The following MORN1 variants were observed in gnomAD, a reference collection of about 807,000 sequenced individuals.
MORN1 encodes the protein MORN repeat-containing protein 1.
In MORN1, 67 loss-of-function variants were observed where a neutral mutation model predicts 61.9. The observed-to-expected ratio is 1.08, with a 90% CI of 0.89 to 1.33. MORN1 has a LOEUF of 1.33. Among genes scored for constraint, MORN1 ranks in the 40% most tolerant of loss-of-function variants. MORN1 has a pLI of 0.00. For synonymous variants in MORN1, 301 were observed against 292.0 expected, an observed-to-expected ratio of 1.03 and a Z score of -0.31; for missense variants, 752 against 691.2, an observed-to-expected ratio of 1.09 and a Z score of -0.99.
Position 2,372,670 on chromosome 1 carries a change from AC to A in MORN1, c.635-80del. ...CCCCATGGCTGAGTCAGCAGTGGGCACCCCAGGAACCGACCAGAGCCCAGTG... is the reference window on the plus strand; with the variant it reads ...CCCCATGGCTGAGTCAGCAGTGGGCACCCAGGAACCGACCAGAGCCCAGTG... On this transcript the variant is annotated intron_variant, in intron 7 of 13. Transcript: ENST00000378531. The surrounding 1 kb of genome is among the most constrained non-coding windows in gnomAD (Gnocchi z 5.4). The A allele has an allele frequency of 1.9e-6, 2 of 1,079,058 alleles. No individual in the cohort carries two copies. Among genetic ancestry groups the A allele is most frequent in the Non-Finnish European group, 2.7e-6 (2 of 736,006 alleles). The allele number at this position is 1,079,058 out of a possible 1,614,324, so 66.8% of individuals were successfully genotyped here. A position where few individuals can be genotyped will look rare whatever the true frequency, so the allele number is the denominator to read the frequency against.
chr1:2,370,605 TATCCGCA>T (rs769217633), intron 8 of MORN1, among the ~76,000 whole-genome samples: 8 of 152,110 alleles, frequency 5.3e-5, no homozygotes, highest in Non-Finnish European at 7.4e-5. Flanking sequence ...AAAGGACTTA[TATCCGCA>T]ATAGGTAAAG....
In MORN1 at chr1:2,357,866, G is replaced by A. The variant is rs1429541147; in HGVS notation, c.870-268C>T. 1.3e-5 allele frequency among the ~76,000 whole-genome samples: 2 copies of A among 152,116 alleles called. No individual in the cohort carries two copies. The highest frequency in any genetic ancestry group is 1.9e-4 in the East Asian group (1 of 5,176). On this transcript the variant is annotated intron_variant, in intron 9 of 13. Coordinates refer to ENST00000378531, the MANE Select transcript of MORN1 (RefSeq NM_024848.3). The surrounding 1 kb of genome is among the most constrained non-coding windows in gnomAD (Gnocchi z 6.3). ...TATTATTTATGACAACTCCAGCAGC[G>A]TCACCTCTCGGGTGCGTTCTGACTT...
chr1:2,352,405 G>A (rs74047119), intron 10 of MORN1: 8,521 of 153,704 alleles, frequency 0.055, 598 homozygotes, highest in African/African-American at 0.16. Context: ...TTATGGGAGC[G>A]AGAAGTCACC....
At chr1:2,322,717 C>G (rs917391623) in intron 13 of MORN1, 35 of 985,362 alleles carry the variant, frequency 3.6e-5, no homozygotes, top group Non-Finnish European at 4.1e-5. Flanking sequence ...AGCCCGGTTT[C>G]TAGGTGTTCC....
At chr1:2,358,477 T>C (rs1370515896) in intron 9 of MORN1, 115 bp downstream of exon 9, 17 of 1,337,260 alleles carry the variant, frequency 1.3e-5, no homozygotes, top group Non-Finnish European at 1.6e-5. Flanking sequence ...ATATTTCATT[T>C]GTCATAACCA....
rs1047481709 is a variant in MORN1 at position 2,337,702 on chromosome 1, C to G, written c.1037-852G>C. On this transcript the variant is annotated intron_variant, in intron 10 of 13. Coordinates refer to ENST00000378531, the MANE Select transcript of MORN1 (RefSeq NM_024848.3). This position sits in a 1 kb window ranked among gnomAD's most constrained non-coding sequence, Gnocchi z 5.7. ...GCAGCTCGGAGCTGTCCTGACACCG[C>G]TGCCCCGAGGGCCCCCCACTTGCAC... 3.9e-5 allele frequency among the ~76,000 whole-genome samples: 6 copies of G among 152,220 alleles called. No individual in the cohort carries two copies. Among genetic ancestry groups the G allele is most frequent in the Non-Finnish European group, 7.3e-5 (5 of 68,040 alleles).
rs1171675202 is a variant in MORN1, at chr1:2,336,868, A to C, written c.1037-18T>G. On this transcript the variant is annotated intron_variant, in intron 10 of 13. Coordinates refer to ENST00000378531, the MANE Select transcript of MORN1 (RefSeq NM_024848.3). ...TCCCCTGGCTGAGGAGACAGAATGA[A>C]GAAAGACCCTATGAGGGGCTCAGGG... 2 of 1,545,588 alleles carry C rather than the reference A, an allele frequency of 1.3e-6. No individual in the cohort carries two copies. Among genetic ancestry groups the C allele is most frequent in the African/African-American group, 1.4e-5 (1 of 72,646 alleles).
intron 8 of MORN1, among the ~76,000 whole-genome samples, chr1:2,367,422 C>A (rs557746124): frequency 2.0e-5 from 3 of 150,508 alleles, no homozygotes; most frequent in African/African-American, 7.3e-5. Flanking sequence ...GAGTTTGAGA[C>A]CAGCCTGGGC....
Position 2,372,470 on chromosome 1 carries a change from G to T in MORN1, c.745+11C>A, listed in dbSNP as rs769764264. The T allele has an allele frequency of 1.9e-6, 3 of 1,604,742 alleles. No homozygotes were observed. The South Asian group carries it at 3.3e-5, about 18-fold the overall frequency. On this transcript the variant is annotated intron_variant, in intron 8 of 13. Transcript: ENST00000378531. The surrounding 1 kb of genome is among the most constrained non-coding windows in gnomAD (Gnocchi z 5.4). ...GGAAACGTTAGGTCATCTCCCCCTG[G>T]AGATGCTTACTCTTGGCAATTTCCC...
chr1:2,328,908 G>A (rs570211766), intron 12 of MORN1, among the ~76,000 whole-genome samples: 71 of 152,324 alleles, frequency 4.7e-4, no homozygotes, highest in African/African-American at 1.4e-3. Context: ...AAGGGAACCC[G>A]CCCAGGGAGG....
chr1:2,343,531 G>A (rs1241832031), intron 10 of MORN1, among the ~76,000 whole-genome samples: 3 of 152,188 alleles, frequency 2.0e-5, no homozygotes, highest in Non-Finnish European at 4.4e-5. Context: ...ACTGAGACTC[G>A]GGCCTGGGGG....
intron 4 of MORN1, chr1:2,387,193 GAC>G (rs1570053421): frequency 8.6e-6 from 5 of 581,116 alleles, no homozygotes; most frequent in Non-Finnish European, 1.5e-5. Flanking sequence ...GGTAGCGGAT[GAC>G]AGAGCTGCAT....
At position 2,359,864 on chromosome 1, in the gene MORN1, C is replaced by CAG. The variant is rs369102221; in HGVS notation, c.746-1151_746-1150dup. Among the ~76,000 whole-genome samples the CAG allele has an allele frequency of 4.9e-5, 7 of 142,486 alleles. 1 individual carries two copies. The highest frequency in any genetic ancestry group is 1.6e-4 in the African/African-American group (6 of 37,620). 93.5% of individuals were successfully genotyped at this position (142,486 alleles called of 152,430 possible). ...TGCCACTGCACTCCAGCCAGGGCGA[C>CAG]AGAGAGAGACTCCGTCTCAAAAAAA... On this transcript the variant is annotated intron_variant, in intron 8 of 13. Transcript: ENST00000378531.
rs1280303861 is a variant in MORN1 at position 2,337,559 on chromosome 1, C to T, written c.1037-709G>A. Among the ~76,000 whole-genome samples the T allele has an allele frequency of 6.6e-6, 1 of 152,194 alleles. No homozygotes were observed. Among genetic ancestry groups the T allele is most frequent in the African/African-American group, 2.4e-5 (1 of 41,452 alleles). ...CTTCCCCCACGCACAGATGGAGCTG[C>T]AGCCCCCAGGGCCCACCCTGCTGTC... On this transcript the variant is annotated intron_variant, in intron 10 of 13. Coordinates refer to ENST00000378531, the MANE Select transcript of MORN1 (RefSeq NM_024848.3). This position sits in a 1 kb window ranked among gnomAD's most constrained non-coding sequence, Gnocchi z 5.7.
intron 2 of MORN1, 158 bp from the exon 3 acceptor site, chr1:2,388,495 A>T (rs1476041741): frequency 1.4e-5 from 8 of 580,900 alleles, no homozygotes; most frequent in Non-Finnish European, 2.1e-5. Context: ...AAAATAAAAA[A>T]ATGTTCTCAA....
chr1:2,380,084 C>A (rs968655118), intron 6 of MORN1, among the ~76,000 whole-genome samples: 31 of 152,302 alleles, frequency 2.0e-4, no homozygotes, highest in Admixed American at 1.4e-3. Flanking sequence ...GGAGCTGGCA[C>A]AGGCTCCAGC....
chr1:2,390,082 C>G lies in MORN1; in HGVS notation c.77-86G>C, dbSNP rs1642609173. 3.1e-6 allele frequency: 4 copies of G among 1,273,662 alleles called. No homozygotes were observed. The Admixed American group carries it at 6.8e-5, about 22-fold the overall frequency. The allele number at this position is 1,273,662 out of a possible 1,614,324, so 78.9% of individuals were successfully genotyped here. A position where few individuals can be genotyped will look rare whatever the true frequency, so the allele number is the denominator to read the frequency against. ...GTGCTGAAGGAGGGAGTGCAGCTCC[C>G]TTGAGGGCCTTCAAGGGGTTGGTAC... On this transcript the variant is annotated intron_variant, in intron 1 of 13. Coordinates refer to ENST00000378531, the MANE Select transcript of MORN1 (RefSeq NM_024848.3).
intron 6 of MORN1, chr1:2,378,995 T>C (rs779393739): frequency 2.1e-6 from 1 of 470,792 alleles, no homozygotes; most frequent in South Asian, 1.5e-5. Flanking sequence ...AACACGTTTA[T>C]TTTCAGGAAT....
intron 13 of MORN1, 165 bp downstream of exon 13, chr1:2,323,932 A>G: frequency 1.0e-6 from 1 of 982,784 alleles, no homozygotes; most frequent in Non-Finnish European, 1.2e-6. Flanking sequence ...CTTCCCATTC[A>G]GGTCCCTGGG....
Sources: allele counts gnomAD v4.1 joint callset (sites outside exome capture counted in the v4.1 genomes callset), GRCh38; gene constraint gnomAD v4.1.1; non-coding constraint Gnocchi (gnomAD v3.1); transcripts MANE v1.5; gene names NCBI Gene and HGNC (gene_info 2026-07-23, HGNC 2026-07-21).